The following CATSPERE variants were observed in gnomAD, a reference collection of about 807,000 sequenced individuals.
The protein encoded by CATSPERE is cation channel sperm-associated auxiliary subunit epsilon.
Under a neutral mutation model 114.1 loss-of-function variants are expected in CATSPERE, and 93 were observed. That is an observed-to-expected ratio of 0.81 (90% CI 0.69 to 0.97). The LOEUF (loss-of-function observed/expected upper bound fraction) is 0.97, where lower values mean the gene tolerates loss of function less well. CATSPERE is among the 50% of genes least tolerant of loss of function. CATSPERE has a pLI of 0.00. For missense variants in CATSPERE, 1,058 were observed against 1,131.6 expected (o/e 0.93, Z 0.93); for synonymous variants, 341 against 384.1 (o/e 0.89, Z 1.31).
chr1:244,622,499 G>T (rs973704200), intron 20 of CATSPERE, among the ~76,000 whole-genome samples: 3 of 149,626 alleles, frequency 2.0e-5, no homozygotes, highest in Non-Finnish European at 3.0e-5. Flanking sequence ...CACCTCCCGG[G>T]TTCAAGAGAT....
intron 8 of CATSPERE, among the ~76,000 whole-genome samples, chr1:244,520,559 T>C (rs1261606651): frequency 6.6e-6 from 1 of 152,192 alleles, no homozygotes; most frequent in East Asian, 1.9e-4. Flanking sequence ...AATCAGGAGA[T>C]GCCCTTATGA....
rs929685366 is a variant in CATSPERE, at chr1:244,575,247, T to C, written c.1950+2475T>C. Among the ~76,000 whole-genome samples the C allele has an allele frequency of 1.3e-5, 2 of 152,232 alleles. No homozygotes were observed. The highest frequency in any genetic ancestry group is 1.5e-5 in the Non-Finnish European group (1 of 68,048). ...GGCCACAGCCCAGGCCCCGGGCTGTTGCTGGCCCAGAGGCTTGGCAGGTGC... is the reference window on the plus strand; with the variant it reads ...GGCCACAGCCCAGGCCCCGGGCTGTCGCTGGCCCAGAGGCTTGGCAGGTGC... On this transcript the variant is annotated intron_variant, in intron 11 of 21. Transcript: ENST00000366534. The surrounding 1 kb of genome is among the most constrained non-coding windows in gnomAD (Gnocchi z 4.5).
intron 8 of CATSPERE, among the ~76,000 whole-genome samples, chr1:244,534,941 T>C (rs1394583306): frequency 1.3e-5 from 2 of 152,152 alleles, no homozygotes; most frequent in Non-Finnish European, 2.9e-5. Context: ...CTAAGGGACT[T>C]GGGTGTTGTG....
Position 244,534,057 on chromosome 1 carries a change from C to T in CATSPERE, c.536+15359C>T, listed in dbSNP as rs149025657. Among the ~76,000 whole-genome samples the T allele has an allele frequency of 8.3e-3, 1,268 of 152,180 alleles. 24 individuals are homozygous for T. Among genetic ancestry groups the T allele is most frequent in the African/African-American group, 0.028 (1,153 of 41,524 alleles). On this transcript the variant is annotated intron_variant, in intron 8 of 21. Transcript: ENST00000366534. Reference sequence around the variant, plus strand: ...CTATTCTAGGGTACAAGATCTTTTTCCCTCAGCACTTTAAATATATCATGC... The same window carrying T: ...CTATTCTAGGGTACAAGATCTTTTTTCCTCAGCACTTTAAATATATCATGC...
chr1:244,484,249 C>G (rs1294969968), intron 5 of CATSPERE, among the ~76,000 whole-genome samples: 1 of 152,166 alleles, frequency 6.6e-6, no homozygotes, highest in Non-Finnish European at 1.5e-5. Context: ...CCCACTCCAA[C>G]TCTTCCCAAC....
At chr1:244,455,504 G>GTT (rs77959110) in intron 1 of CATSPERE, among the ~76,000 whole-genome samples, 58 of 139,008 alleles carry the variant, frequency 4.2e-4, no homozygotes, top group Non-Finnish European at 2.4e-4. Flanking sequence ...ATTTTTAAGG[G>GTT]TTTTTTTTTT....
chr1:244,525,112 G>A (rs1678319778), intron 8 of CATSPERE, among the ~76,000 whole-genome samples: 1 of 148,526 alleles, frequency 6.7e-6, no homozygotes, highest in African/African-American at 2.6e-5. Flanking sequence ...ATGATAGACT[G>A]GATTAAGAAA....
At chr1:244,638,305 T>A (rs935219353) in intron 21 of CATSPERE, among the ~76,000 whole-genome samples, 1 of 152,234 alleles carries the variant, frequency 6.6e-6, no homozygotes, top group African/African-American at 2.4e-5. Context: ...TATTTTCCAG[T>A]CCTCATCTTA....
intron 20 of CATSPERE, 105 bp from the exon 21 acceptor site, chr1:244,635,384 T>G: frequency 1.3e-6 from 1 of 777,878 alleles, no homozygotes; most frequent in South Asian, 1.7e-5. Flanking sequence ...AATGACACCT[T>G]AACTAGGATT....
At chr1:244,581,737 G>A in intron 11 of CATSPERE, 59 bp from the exon 12 acceptor site, 2 of 729,510 alleles carry the variant, frequency 2.7e-6, no homozygotes, top group Non-Finnish European at 4.7e-6. Flanking sequence ...TGCTACTAAA[G>A]TGGGATCACC....
chr1:244,498,931 T>C, intron 6 of CATSPERE, 71 bp from the exon 7 acceptor site: 1 of 1,105,410 alleles, frequency 9.0e-7, no homozygotes, highest in Non-Finnish European at 1.4e-6. Context: ...TGTTTATGGT[T>C]ATGTTTTGCC....
At position 244,561,103 on chromosome 1, in the gene CATSPERE, T is replaced by C. The variant is rs1662487820; in HGVS notation, c.1465T>C (p.Ser489Pro). ...LQTPAGHGNL[S>P]MLSNDSIIHE... The stretch of plus-strand genomic sequence containing the variant: ...GACACCTGCAGGACATGGAAATCTA[T>C]CAATGCTATCAAATGACAGCATTAT... Residue 489 changes from serine (S) to proline (P), a missense_variant, in exon 10 of 22, where the codon TCA becomes CCA. Around this residue, in one of 2 missense-constraint regions of CATSPERE, gnomAD observed 787 missense variants for 905.6 expected, o/e 0.87. Coordinates refer to ENST00000366534, the MANE Select transcript of CATSPERE (RefSeq NM_001130957.2). 7 of 1,608,776 alleles carry C rather than the reference T, an allele frequency of 4.4e-6. 1 individual carries two copies. In the East Asian group the frequency reaches 8.9e-5, roughly 21 times the overall value.
chr1:244,628,060 T>TA (rs1015699916), intron 20 of CATSPERE, among the ~76,000 whole-genome samples: 7 of 152,264 alleles, frequency 4.6e-5, no homozygotes, highest in African/African-American at 1.7e-4. Context: ...CCGTAACCCT[T>TA]ACTTTACTTT....
At chr1:244,591,011 C>T (rs1667658134) in intron 14 of CATSPERE, among the ~76,000 whole-genome samples, 1 of 152,184 alleles carries the variant, frequency 6.6e-6, no homozygotes, top group South Asian at 2.1e-4. Flanking sequence ...TAAGGAACCT[C>T]CGAGCTGTTT....
At chr1:244,544,663 A>C (rs772579072) in intron 8 of CATSPERE, among the ~76,000 whole-genome samples, 30 of 152,196 alleles carry the variant, frequency 2.0e-4, no homozygotes, top group Non-Finnish European at 5.9e-5. Context: ...CACCATCAAG[A>C]AACTAGAAGA....
intron 2 of CATSPERE, among the ~76,000 whole-genome samples, chr1:244,468,249 C>T (rs541349758): frequency 2.0e-5 from 3 of 152,004 alleles, no homozygotes; most frequent in South Asian, 4.2e-4. Flanking sequence ...TGTGCCACCA[C>T]GCCCGGCTAA....
rs1671570135 is a variant in CATSPERE, at chr1:244,617,699, G to A, written c.2648+13G>A. The A allele has an allele frequency of 6.6e-7, 1 of 1,521,944 alleles. No individual in the cohort carries two copies. Among genetic ancestry groups the A allele is most frequent in the Non-Finnish European group, 8.8e-7 (1 of 1,138,182 alleles). 94.3% of individuals were successfully genotyped at this position (1,521,944 alleles called of 1,614,324 possible). A position where few individuals can be genotyped will look rare whatever the true frequency, so the allele number is the denominator to read the frequency against. Reference sequence around the variant, plus strand: ...ATCCAAACTATAGGTGAATATATGTGTTACTGTAATAGTGTTAGCATTAGT... The same window carrying A: ...ATCCAAACTATAGGTGAATATATGTATTACTGTAATAGTGTTAGCATTAGT... On this transcript the variant is annotated intron_variant, in intron 20 of 21. Transcript: ENST00000366534.
chr1:244,576,326 G>T (rs1282264920), intron 11 of CATSPERE, among the ~76,000 whole-genome samples: 2 of 151,788 alleles, frequency 1.3e-5, no homozygotes, highest in African/African-American at 4.8e-5. Context: ...ATCCCTGTAT[G>T]GGTCACCATT....
At chr1:244,536,552 G>A (rs1224748866) in intron 8 of CATSPERE, among the ~76,000 whole-genome samples, 1 of 152,080 alleles carries the variant, frequency 6.6e-6, no homozygotes, top group Non-Finnish European at 1.5e-5. Context: ...ACTGAATTCC[G>A]ACGGAAAGTC....
Sources: gnomAD v4.1 joint callset for allele counts (sites outside exome capture counted in the v4.1 genomes callset) on GRCh38, gnomAD v4.1.1 for gene constraint, gnomAD v4.1.1 regional missense constraint, Gnocchi (gnomAD v3.1) non-coding constraint, MANE v1.5 for transcripts, NCBI Gene and HGNC (gene_info 2026-07-23, HGNC 2026-07-21) for gene names.